Variants in UNC5D observed in about 807,000 individuals in gnomAD.
UNC5D encodes the protein netrin receptor UNC5D.
Under a neutral mutation model 105.4 loss-of-function variants are expected in UNC5D, and 39 were observed. That is an observed-to-expected ratio of 0.37 (90% confidence interval 0.29 to 0.48). UNC5D has a LOEUF of 0.48. Ranked by LOEUF, UNC5D falls within the 20% of genes least tolerant of loss-of-function variation. UNC5D has a pLI of 0.98. For synonymous variants in UNC5D, 452 were observed against 450.4 expected (o/e 1.00, Z -0.04); for missense variants, 991 against 1,202.4 (o/e 0.82, Z 2.60).
chr8:35,298,819 A>T (rs1374805173), intron 1 of UNC5D, among the ~76,000 whole-genome samples: 1 of 152,212 alleles, frequency 6.6e-6, no homozygotes, highest in Non-Finnish European at 1.5e-5. Context: ...TTGCCCTTTC[A>T]AAATGTGCTT....
chr8:35,523,434 T>C (rs1813627151), intron 1 of UNC5D, among the ~76,000 whole-genome samples: 1 of 152,062 alleles, frequency 6.6e-6, no homozygotes, highest in African/African-American at 2.4e-5. Flanking sequence ...AAAGCAACTA[T>C]GCAAAGATAC....
rs534434335 is a variant in UNC5D, at chr8:35,707,672, A to G, written c.1117+1711A>G. ...AGGTATCCATGGGGTGGCCAATGTG[A>G]GAGTTACTTAGAAATGCATGTATGT... On this transcript the variant is annotated intron_variant, in intron 8 of 16. Transcript: ENST00000404895. Among the ~76,000 whole-genome samples the G allele has an allele frequency of 2.3e-4, 35 of 152,244 alleles. 1 individual carries two copies. In the South Asian group the frequency reaches 7.1e-3, roughly 31 times the overall value.
At chr8:35,733,181 G>C (rs144583568) in intron 11 of UNC5D, among the ~76,000 whole-genome samples, 2 of 152,128 alleles carry the variant, frequency 1.3e-5, no homozygotes, top group Non-Finnish European at 2.9e-5. Flanking sequence ...CCTGTCACTG[G>C]GCTAAAGGCC....
At chr8:35,610,948 G>C (rs1820636929) in intron 4 of UNC5D, among the ~76,000 whole-genome samples, 1 of 129,624 alleles carries the variant, frequency 7.7e-6, no homozygotes. Context: ...CTGACCCTCA[G>C]TTTTCTCCTC....
intron 1 of UNC5D, among the ~76,000 whole-genome samples, chr8:35,305,878 T>C (rs1327741883): frequency 7.9e-6 from 1 of 127,028 alleles, no homozygotes; most frequent in Non-Finnish European, 1.6e-5. Context: ...TCCCTCTTTC[T>C]TTCTTTCTTT....
chr8:35,363,793 C>A (rs552260523), intron 1 of UNC5D, among the ~76,000 whole-genome samples: 3 of 152,044 alleles, frequency 2.0e-5, no homozygotes, highest in Non-Finnish European at 4.4e-5. Flanking sequence ...AATATTGGTT[C>A]TCTTTATTCT....
intron 1 of UNC5D, among the ~76,000 whole-genome samples, chr8:35,534,132 T>A (rs900322394): frequency 6.6e-6 from 1 of 152,188 alleles, no homozygotes; most frequent in East Asian, 1.9e-4. Flanking sequence ...TGGAAAAAAG[T>A]CATTTGTAGG....
chr8:35,552,682 G>A (rs1407915871), intron 2 of UNC5D, among the ~76,000 whole-genome samples: 1 of 152,186 alleles, frequency 6.6e-6, no homozygotes, highest in African/African-American at 2.4e-5. Context: ...TTTCGATGGG[G>A]AAAGTAGAGA....
chr8:35,391,497 G>A (rs1481311885), intron 1 of UNC5D, among the ~76,000 whole-genome samples: 1 of 152,104 alleles, frequency 6.6e-6, no homozygotes, highest in Non-Finnish European at 1.5e-5. Flanking sequence ...CATAGTAGTA[G>A]TCTATTCTGG....
rs1212843195 is a variant in UNC5D at position 35,726,279 on chromosome 8, T to C, written c.1431T>C (p.Pro477=). ...ELMTESSLFN[P]LSDIKVKVQS... Reference sequence around the variant, plus strand: ...TGACAGAGTCCTCACTCTTTAACCCTTTGTCGGACATCAAAGTGAAAGTCC... The same window carrying C: ...TGACAGAGTCCTCACTCTTTAACCCCTTGTCGGACATCAAAGTGAAAGTCC... The change falls in exon 10 of 17, where the codon CCT becomes CCC. Residue 477 remains proline (P), a synonymous_variant. Transcript: ENST00000404895. The C allele has an allele frequency of 2.5e-6, 4 of 1,613,934 alleles. No individual in the cohort carries two copies. In the African/African-American group the frequency reaches 5.3e-5, roughly 22 times the overall value.
intron 1 of UNC5D, among the ~76,000 whole-genome samples, chr8:35,446,996 C>A (rs569471224): frequency 6.6e-6 from 1 of 152,172 alleles, no homozygotes; most frequent in African/African-American, 2.4e-5. Flanking sequence ...CTTAGCACAG[C>A]GACTCCCATC....
At chr8:35,370,162 A>G (rs747177744) in intron 1 of UNC5D, among the ~76,000 whole-genome samples, 2 of 152,194 alleles carry the variant, frequency 1.3e-5, no homozygotes, top group Non-Finnish European at 2.9e-5. Context: ...CTAGTGAAAT[A>G]TGACTCTGTG....
intron 1 of UNC5D, among the ~76,000 whole-genome samples, chr8:35,443,545 A>G (rs999738312): frequency 6.6e-6 from 1 of 151,918 alleles, no homozygotes; most frequent in Non-Finnish European, 1.5e-5. Flanking sequence ...GGTGATCTGC[A>G]AAAGAAAGCT....
At chr8:35,705,269 C>T (rs997082901) in intron 7 of UNC5D, among the ~76,000 whole-genome samples, 5 of 152,138 alleles carry the variant, frequency 3.3e-5, no homozygotes, top group Admixed American at 6.5e-5. Context: ...CAACCTAATG[C>T]CTCTTCTCTT....
At chr8:35,321,960 C>CT (rs1254521318) in intron 1 of UNC5D, among the ~76,000 whole-genome samples, 1 of 152,144 alleles carries the variant, frequency 6.6e-6, no homozygotes, top group Non-Finnish European at 1.5e-5. Context: ...TAGGCAGAAA[C>CT]TAAAACCCAC....
chr8:35,704,888 T>C (rs138787384), intron 7 of UNC5D, among the ~76,000 whole-genome samples: 687 of 151,200 alleles, frequency 4.5e-3, no homozygotes, highest in African/African-American at 0.014. Flanking sequence ...CAGGAGACAA[T>C]GAATGGGGGA....
intron 7 of UNC5D, among the ~76,000 whole-genome samples, chr8:35,705,581 C>T (rs1417872703): frequency 6.6e-6 from 1 of 152,108 alleles, no homozygotes; most frequent in Non-Finnish European, 1.5e-5. Context: ...GCATCCTTAC[C>T]TGAGCAGGCT....
intron 1 of UNC5D, among the ~76,000 whole-genome samples, chr8:35,442,326 A>G (rs928159410): frequency 1.3e-5 from 2 of 151,920 alleles, no homozygotes; most frequent in Non-Finnish European, 2.9e-5. Context: ...TTAGTTATAC[A>G]CCACACTAGG....
chr8:35,731,214 C>T lies in UNC5D; in HGVS notation c.1766+118C>T, dbSNP rs960448532. The stretch of plus-strand genomic sequence containing the variant: ...AGGAGTTCGAGACCAGCCTGGCCAA[C>T]ATGGCGAAAGCCTGTCTCTACTAAA... On this transcript the variant is annotated intron_variant, in intron 11 of 16. Transcript: ENST00000404895. 15 of 898,240 alleles carry T rather than the reference C, an allele frequency of 1.7e-5. No homozygotes were observed. The Admixed American group carries it at 2.0e-4, about 12-fold the overall frequency. 55.6% of individuals were successfully genotyped at this position (898,240 alleles called of 1,614,324 possible).
Sources: allele counts gnomAD v4.1 joint callset (sites outside exome capture counted in the v4.1 genomes callset), GRCh38; gene constraint gnomAD v4.1.1; transcripts MANE v1.5; gene names NCBI Gene and HGNC (gene_info 2026-07-23, HGNC 2026-07-21).